MACROD2: variants seen among roughly 807,000 people sequenced by gnomAD.
The protein encoded by MACROD2 is mono-ADP ribosylhydrolase 2.
Under a neutral mutation model 70.4 loss-of-function variants are expected in MACROD2, and 36 were observed. That is an observed-to-expected ratio of 0.51 (90% confidence interval 0.39 to 0.68). The LOEUF (loss-of-function observed/expected upper bound fraction) is 0.68, where lower values mean the gene tolerates loss of function less well. Ranked by LOEUF, MACROD2 falls within the 30% of genes least tolerant of loss-of-function variation. The pLI, the probability that MACROD2 is intolerant of heterozygous loss-of-function variation, is 0.00. For missense variants in MACROD2, 496 were observed against 538.4 expected (o/e 0.92, Z 0.78); for synonymous variants, 172 against 178.8 (o/e 0.96, Z 0.30).
intron 2 of MACROD2, among the ~76,000 whole-genome samples, chr20:14,068,444 G>A (rs1366803814): frequency 6.6e-6 from 1 of 152,092 alleles, no homozygotes; most frequent in Non-Finnish European, 1.5e-5. Context: ...GCCAGAATAC[G>A]AACTCCTCAT....
chr20:16,025,839 CAG>C (rs34550556), intron 15 of MACROD2, among the ~76,000 whole-genome samples: 40,677 of 151,912 alleles, frequency 0.27, 6,008 homozygotes, highest in South Asian at 0.37. Context: ...AGCAGGGCCA[CAG>C]AGTGATCCCA....
chr20:14,387,916 A>G (rs1272032095), intron 3 of MACROD2, among the ~76,000 whole-genome samples: 1 of 151,948 alleles, frequency 6.6e-6, no homozygotes, highest in Admixed American at 6.6e-5. Context: ...TTCCTATTCA[A>G]CCGTCATCTG....
chr20:14,942,057 C>T (rs2074395106), intron 5 of MACROD2, among the ~76,000 whole-genome samples: 1 of 151,930 alleles, frequency 6.6e-6, no homozygotes, highest in African/African-American at 2.4e-5. Flanking sequence ...CCTCAGCATC[C>T]CGAAGTGCTG....
At chr20:15,997,269 G>A (rs530335454) in intron 15 of MACROD2, among the ~76,000 whole-genome samples, 56 of 152,170 alleles carry the variant, frequency 3.7e-4, no homozygotes, top group African/African-American at 1.2e-3. Flanking sequence ...TAGGGATTAC[G>A]TTGAATGTAT....
chr20:15,406,610 A>G (rs2046005205), intron 6 of MACROD2, among the ~76,000 whole-genome samples: 2 of 152,338 alleles, frequency 1.3e-5, no homozygotes, highest in African/African-American at 2.4e-5. Context: ...AAATGCCTTC[A>G]TCTTGAAGGT....
chr20:14,910,268 A>C (rs1244434607), intron 5 of MACROD2, among the ~76,000 whole-genome samples: 3 of 152,214 alleles, frequency 2.0e-5, no homozygotes, highest in Admixed American at 2.0e-4. Flanking sequence ...TTACACATTA[A>C]TATAGAGCCC....
At chr20:15,949,025 A>C (rs763878525) in intron 12 of MACROD2, among the ~76,000 whole-genome samples, 1 of 152,190 alleles carries the variant, frequency 6.6e-6, no homozygotes, top group Admixed American at 6.5e-5. Context: ...ATAATTTTCA[A>C]ATTTAGTGGC....
At chr20:15,446,562 G>A (rs558371363) in intron 7 of MACROD2, among the ~76,000 whole-genome samples, 1 of 152,296 alleles carries the variant, frequency 6.6e-6, no homozygotes, top group Admixed American at 6.5e-5. Flanking sequence ...GGTGCCTCTG[G>A]CACACTGCCA....
At chr20:14,710,378 A>G (rs1173355672) in intron 5 of MACROD2, among the ~76,000 whole-genome samples, 4 of 152,238 alleles carry the variant, frequency 2.6e-5, no homozygotes, top group East Asian at 3.8e-4. Context: ...TGAATTTTCA[A>G]AAAATGAAGT....
chr20:14,828,562 G>T (rs1319760284), intron 5 of MACROD2, among the ~76,000 whole-genome samples: 2 of 152,064 alleles, frequency 1.3e-5, no homozygotes, highest in Non-Finnish European at 2.9e-5. Flanking sequence ...TGCTTACCTG[G>T]AATGTACCAT....
At chr20:14,435,509 G>A (rs2084046230) in intron 3 of MACROD2, among the ~76,000 whole-genome samples, 1 of 151,906 alleles carries the variant, frequency 6.6e-6, no homozygotes, top group Admixed American at 6.6e-5. Flanking sequence ...TAATATTCTC[G>A]ACCAGATGCC....
At chr20:15,824,162 C>T (rs913993839) in intron 8 of MACROD2, among the ~76,000 whole-genome samples, 2 of 152,024 alleles carry the variant, frequency 1.3e-5, no homozygotes, top group African/African-American at 4.8e-5. Flanking sequence ...GTTACTCTTA[C>T]CAAGCTGGGG....
chr20:14,501,468 C>T (rs1048339218), intron 4 of MACROD2, among the ~76,000 whole-genome samples: 7 of 150,586 alleles, frequency 4.6e-5, no homozygotes, highest in African/African-American at 1.2e-4. Flanking sequence ...CAATACGTTT[C>T]TATTTTTTTT....
At chr20:14,936,050 C>T (rs79353167) in intron 5 of MACROD2, among the ~76,000 whole-genome samples, 4,244 of 152,186 alleles carry the variant, frequency 0.028, 207 homozygotes, top group African/African-American at 0.096. Context: ...GGTCTTTGCC[C>T]TCTTGTGCTT....
chr20:15,165,864 G>T (rs6043122), intron 5 of MACROD2, among the ~76,000 whole-genome samples: 3,494 of 152,116 alleles, frequency 0.023, 128 homozygotes, highest in African/African-American at 0.08. Flanking sequence ...AAAATAATAT[G>T]CTCAAACTAG....
intron 15 of MACROD2, among the ~76,000 whole-genome samples, chr20:16,020,309 A>G (rs114540574): frequency 0.012 from 1,849 of 151,702 alleles, 38 homozygotes; most frequent in African/African-American, 0.042. Flanking sequence ...TGCTCTTCCC[A>G]TGGTCCTTTG....
intron 4 of MACROD2, among the ~76,000 whole-genome samples, chr20:14,600,155 CA>C (rs963604825): frequency 1.3e-5 from 2 of 151,702 alleles, no homozygotes; most frequent in East Asian, 1.9e-4. Flanking sequence ...GCAATGCACA[CA>C]AAAAAACTGG....
At chr20:14,164,241 T>G (rs1432009713) in intron 3 of MACROD2, among the ~76,000 whole-genome samples, 2 of 152,170 alleles carry the variant, frequency 1.3e-5, no homozygotes, top group Non-Finnish European at 2.9e-5. Flanking sequence ...GTGATTTCTT[T>G]GGTGGCTTAG....
chr20:14,271,602 G>A (rs981382564), intron 3 of MACROD2, among the ~76,000 whole-genome samples: 2 of 152,198 alleles, frequency 1.3e-5, no homozygotes, highest in East Asian at 1.9e-4. Flanking sequence ...CTCCTCCAAA[G>A]GAATGCAGTT....
Sources: gnomAD v4.1 joint callset for allele counts (sites outside exome capture counted in the v4.1 genomes callset) on GRCh38, gnomAD v4.1.1 for gene constraint, MANE v1.5 for transcripts, NCBI Gene and HGNC (gene_info 2026-07-23, HGNC 2026-07-21) for gene names.